Variants in ALK observed in about 807,000 individuals in gnomAD.
ALK encodes ALK receptor tyrosine kinase, also known as ALK tyrosine kinase receptor.
Under a neutral mutation model 163.1 loss-of-function variants are expected in ALK, and 74 were observed. The ratio of observed to expected loss-of-function variants is 0.45; its 90% CI spans 0.38 to 0.55. The LOEUF (loss-of-function observed/expected upper bound fraction) is 0.55. ALK is among the 20% of genes least tolerant of loss of function. The probability of loss-of-function intolerance (pLI) is 0.00; values close to 1 mark genes in which losing one functional copy is unlikely to be tolerated. For missense variants in ALK, 2,063 were observed against 2,105.3 expected, an observed-to-expected ratio of 0.98 and a Z score of 0.39; for synonymous variants, 960 against 843.2, an observed-to-expected ratio of 1.14 and a Z score of -2.40.
intron 4 of ALK, among the ~76,000 whole-genome samples, chr2:29,509,930 G>C (rs1369831717): frequency 6.7e-6 from 1 of 149,770 alleles, no homozygotes; most frequent in Non-Finnish European, 1.5e-5. Flanking sequence ...GTTCAGGTTT[G>C]GGACTTGGCA....
In ALK at chr2:29,780,059, G is replaced by C. The variant is rs928732820; in HGVS notation, c.668-62362C>G. Reference sequence around the variant, plus strand: ...ACCAAGCATCCCAGCCCCAAACACAGTGAGTATTGACTCTGGATCTCTACA... The same window carrying C: ...ACCAAGCATCCCAGCCCCAAACACACTGAGTATTGACTCTGGATCTCTACA... On this transcript the variant is annotated intron_variant, in intron 1 of 28. Coordinates refer to ENST00000389048, the MANE Select transcript of ALK (RefSeq NM_004304.5). Among the ~76,000 whole-genome samples, 7 of 152,222 alleles carry C rather than the reference G, an allele frequency of 4.6e-5. No individual in the cohort carries two copies. In the East Asian group the frequency reaches 1.3e-3, roughly 29 times the overall value.
intron 3 of ALK, among the ~76,000 whole-genome samples, chr2:29,617,416 G>A (rs936633346): frequency 1.3e-5 from 2 of 152,154 alleles, no homozygotes; most frequent in East Asian, 1.9e-4. Flanking sequence ...GTAGGCCCTC[G>A]ACAAGGGGCA....
At chr2:29,777,006 G>A (rs556181426) in intron 1 of ALK, among the ~76,000 whole-genome samples, 8 of 152,188 alleles carry the variant, frequency 5.3e-5, no homozygotes, top group South Asian at 2.1e-4. Context: ...AACTAGCTCT[G>A]TAATTGGTAG....
At chr2:29,481,771 C>A (rs1671664285) in intron 4 of ALK, among the ~76,000 whole-genome samples, 1 of 152,164 alleles carries the variant, frequency 6.6e-6, no homozygotes, top group East Asian at 1.9e-4. Flanking sequence ...CACAGCTCTC[C>A]TGCTCAGAAA....
intron 3 of ALK, among the ~76,000 whole-genome samples, chr2:29,669,267 C>T (rs1179066967): frequency 6.6e-6 from 1 of 151,992 alleles, no homozygotes; most frequent in Non-Finnish European, 1.5e-5. Context: ...GCTTTATATA[C>T]TTGGGAGCTC....
chr2:29,898,415 T>C (rs1667327690), intron 1 of ALK, among the ~76,000 whole-genome samples: 1 of 152,186 alleles, frequency 6.6e-6, no homozygotes, highest in South Asian at 2.1e-4. Context: ...AGGTGACTAA[T>C]TATATCAGGA....
intron 3 of ALK, among the ~76,000 whole-genome samples, chr2:29,661,192 C>A (rs1677335926): frequency 6.6e-6 from 1 of 152,092 alleles, no homozygotes; most frequent in Non-Finnish European, 1.5e-5. Flanking sequence ...GGTAATAAAG[C>A]CAAGATTCAG....
chr2:29,255,218 C>T (rs746716400), intron 11 of ALK, among the ~76,000 whole-genome samples: 14 of 152,064 alleles, frequency 9.2e-5, no homozygotes, highest in East Asian at 1.9e-4. Flanking sequence ...GCTCATTGTG[C>T]GAGGGCTGTC....
intron 4 of ALK, among the ~76,000 whole-genome samples, chr2:29,433,347 G>A (rs752491025): frequency 2.6e-5 from 4 of 152,132 alleles, no homozygotes; most frequent in Middle Eastern, 3.2e-3. Context: ...TCCCAGACAA[G>A]ACGGATGTTG....
At chr2:29,616,982 A>ACACCTGGTGAATATGTACAGTGATATT (rs1328537155) in intron 3 of ALK, among the ~76,000 whole-genome samples, 18 of 152,186 alleles carry the variant, frequency 1.2e-4, no homozygotes, top group African/African-American at 4.3e-4. Context: ...GCCTTCCTCC[A>ACACCTGGTGAATATGTACAGTGATATT]CACCTGGTGA....
chr2:29,537,494 G>C lies in ALK; in HGVS notation c.953-5378C>G, dbSNP rs185481464. The stretch of plus-strand genomic sequence containing the variant: ...ACACACAGAATGCAAGAGTGAAGAA[G>C]GCTTGGCAGCTCCCATCTAAATGCC... On this transcript the variant is annotated intron_variant, in intron 3 of 28. Coordinates refer to ENST00000389048, the MANE Select transcript of ALK (RefSeq NM_004304.5). 4.6e-5 allele frequency among the ~76,000 whole-genome samples: 7 copies of C among 152,366 alleles called. No individual in the cohort carries two copies. The East Asian group carries it at 1.2e-3, about 25-fold the overall frequency.
At chr2:29,823,007 A>G (rs939276802) in intron 1 of ALK, among the ~76,000 whole-genome samples, 6 of 152,180 alleles carry the variant, frequency 3.9e-5, no homozygotes, top group Non-Finnish European at 7.4e-5. Flanking sequence ...CCCAAAACTC[A>G]TCTTGAATTT....
At chr2:29,555,983 A>C (rs4372834) in intron 3 of ALK, among the ~76,000 whole-genome samples, 21,167 of 152,232 alleles carry the variant, frequency 0.14, 1,791 homozygotes, top group East Asian at 0.34. Context: ...ACAATCTAAA[A>C]TGCCAGGCTC....
At chr2:29,460,697 T>C (rs900753316) in intron 4 of ALK, among the ~76,000 whole-genome samples, 1 of 152,148 alleles carries the variant, frequency 6.6e-6, no homozygotes, top group Non-Finnish European at 1.5e-5. Flanking sequence ...TCCACCGACA[T>C]GCCATTCTCC....
chr2:29,804,408 T>C (rs1664558171), intron 1 of ALK, among the ~76,000 whole-genome samples: 1 of 152,252 alleles, frequency 6.6e-6, no homozygotes, highest in African/African-American at 2.4e-5. Context: ...CACGGACTAA[T>C]GCCCAGCATT....
chr2:29,497,534 C>T (rs999282459), intron 4 of ALK, among the ~76,000 whole-genome samples: 1 of 152,186 alleles, frequency 6.6e-6, no homozygotes, highest in Admixed American at 6.5e-5. Flanking sequence ...ACTCTCTTTC[C>T]TCCTCTCCTC....
chr2:29,241,464 A>T (rs2148190005), intron 12 of ALK, among the ~76,000 whole-genome samples: 1 of 152,114 alleles, frequency 6.6e-6, no homozygotes, highest in South Asian at 2.1e-4. Context: ...AAGGGTCGTC[A>T]GGTGCTTAGG....
intron 9 of ALK, among the ~76,000 whole-genome samples, chr2:29,281,720 C>G (rs2339471): frequency 0.11 from 16,691 of 152,124 alleles, 979 homozygotes; most frequent in African/African-American, 0.14. Context: ...ACAGACTCAG[C>G]GGGGATCTGG....
intron 3 of ALK, among the ~76,000 whole-genome samples, chr2:29,630,219 C>T (rs558984253): frequency 1.7e-4 from 26 of 152,018 alleles, no homozygotes; most frequent in African/African-American, 4.1e-4. Context: ...CAAAGTAGAT[C>T]GTGGATATTT....
Sources: gnomAD v4.1 joint callset for allele counts (sites outside exome capture counted in the v4.1 genomes callset) on GRCh38, gnomAD v4.1.1 for gene constraint, MANE v1.5 for transcripts, NCBI Gene and HGNC (gene_info 2026-07-23, HGNC 2026-07-21) for gene names.